Variants in PDE4A observed in about 807,000 individuals in gnomAD.
PDE4A encodes the protein phosphodiesterase 4A, also known as 3',5'-cyclic-AMP phosphodiesterase 4A.
In PDE4A, 21 loss-of-function variants were observed where a neutral mutation model predicts 73.9. That is an observed-to-expected ratio of 0.28 (90% CI 0.20 to 0.41). PDE4A has a LOEUF of 0.41. Among genes scored for constraint, PDE4A ranks in the 10% least tolerant of loss-of-function variants. The pLI, the probability that PDE4A is intolerant of heterozygous loss-of-function variation, is 1.00. For missense variants in PDE4A, 958 were observed against 1,211.4 expected (o/e 0.79, Z 3.10); for synonymous variants, 463 against 505.4 (o/e 0.92, Z 1.13).
Position 10,461,114 on chromosome 19 carries a change from C to T in PDE4A, c.1465+11C>T. On this transcript the variant is annotated intron_variant, in intron 11 of 14. Transcript: ENST00000380702. ...TCCTCATCAACACCAGTGAGTGGCCCTCGCCAGGGGCGGGGTTTGCTGAGT... is the reference window on the plus strand; with the variant it reads ...TCCTCATCAACACCAGTGAGTGGCCTTCGCCAGGGGCGGGGTTTGCTGAGT... The T allele has an allele frequency of 6.2e-7, 1 of 1,605,780 alleles. No individual in the cohort carries two copies. Among genetic ancestry groups the T allele is most frequent in the Non-Finnish European group, 8.5e-7 (1 of 1,173,488 alleles).
At chr19:10,431,910 C>G (rs1467335731) in intron 1 of PDE4A, among the ~76,000 whole-genome samples, 3 of 152,048 alleles carry the variant, frequency 2.0e-5, no homozygotes, top group African/African-American at 7.2e-5. Flanking sequence ...GTCTCCACTT[C>G]TGTCTCTTCT....
chr19:10,464,296 C>T (rs1458394237), intron 14 of PDE4A: 2 of 432,210 alleles, frequency 4.6e-6, no homozygotes, highest in Non-Finnish European at 9.0e-6. Flanking sequence ...TGGGGTTTCA[C>T]CGTGTTGGCC....
At position 10,446,256 on chromosome 19, in the gene PDE4A, G is replaced by A. The variant is rs199602831; in HGVS notation, c.359G>A (p.Arg120His). The A allele has an allele frequency of 1.3e-5, 20 of 1,595,086 alleles. No homozygotes were observed. In the African/African-American group the frequency reaches 1.7e-4, roughly 14 times the overall value. Reference protein sequence around the residue: ...AENGPTPSPGRSPLDSQASPG... With the variant: ...AENGPTPSPGHSPLDSQASPG... ...AATGGGCCGACACCATCTCCTGGCC[G>A]CAGCCCCCTGGACTCGCAGGCGAGC... Residue 120 changes from arginine to histidine, a missense_variant, in exon 2 of 15, where the codon CGC (arginine) becomes CAC (histidine). Arg to His is a conservative substitution (Grantham distance 29). Around this residue, in one of 3 missense-constraint regions of PDE4A, gnomAD observed 570 missense variants for 827.7 expected, o/e 0.69. Transcript: ENST00000380702.
chr19:10,433,014 G>C (rs984102667), intron 1 of PDE4A, among the ~76,000 whole-genome samples: 3 of 152,190 alleles, frequency 2.0e-5, no homozygotes, highest in African/African-American at 7.2e-5. Context: ...GCTGGGTTGG[G>C]GGTGGGGAGG....
Position 10,466,896 on chromosome 19 carries a change from A to G in PDE4A, c.1936A>G (p.Ile646Val). The part of the protein sequence containing the change: ...ASVEKSQVGF[I>V]DYIVHPLWET... ...TCTTCCCCTCCACCAGGTGGGTTTT[A>G]TTGACTACATTGTGCACCCATTGTG... Residue 646 changes from isoleucine to valine, a missense_variant, in exon 15 of 15, where the codon ATT (isoleucine) becomes GTT (valine). Ile to Val is a conservative substitution (Grantham distance 29). Around this residue, in one of 3 missense-constraint regions of PDE4A, gnomAD observed 570 missense variants for 827.7 expected, o/e 0.69. Coordinates refer to ENST00000380702, the MANE Select transcript of PDE4A (RefSeq NM_001111307.2). 1.9e-6 allele frequency: 3 copies of G among 1,612,620 alleles called. No homozygotes were observed. Among genetic ancestry groups the G allele is most frequent in the Non-Finnish European group, 2.5e-6 (3 of 1,179,056 alleles).
intron 1 of PDE4A, among the ~76,000 whole-genome samples, chr19:10,433,646 G>A (rs1261122214): frequency 6.6e-6 from 1 of 152,110 alleles, no homozygotes; most frequent in Non-Finnish European, 1.5e-5. Context: ...ATGCCCGGGG[G>A]CACACAGACC....
Position 10,467,100 on chromosome 19 carries a change from G to A in PDE4A, c.2140G>A (p.Glu714Lys), listed in dbSNP as rs1843874607. 1 of 1,614,046 alleles carries A rather than the reference G, an allele frequency of 6.2e-7. No individual in the cohort carries two copies. Residue 714 changes from glutamate (E) to lysine (K), a missense_variant, in exon 15 of 15, where the codon GAG (glutamate) becomes AAG (lysine). By Grantham distance (56) the Glu-to-Lys change is moderately conservative. Around this residue, in one of 3 missense-constraint regions of PDE4A, gnomAD observed 243 missense variants for 245.9 expected, o/e 0.99. Coordinates refer to ENST00000380702, the MANE Select transcript of PDE4A (RefSeq NM_001111307.2). ...PDKFQFELTL[E>K]EEEEEEISMA... ...CAAGTTCCAGTTTGAGCTGACGCTG[G>A]AGGAGGAAGAGGAGGAAGAAATATC...
chr19:10,434,740 C>G (rs564906259), intron 1 of PDE4A, among the ~76,000 whole-genome samples: 1 of 151,894 alleles, frequency 6.6e-6, no homozygotes, highest in East Asian at 1.9e-4. Flanking sequence ...ACAAGCGCCC[C>G]GCCACCACGC....
chr19:10,420,984 A>G lies in PDE4A; in HGVS notation c.220A>G (p.Ser74Gly). 2 of 1,540,882 alleles carry G rather than the reference A, an allele frequency of 1.3e-6. No individual in the cohort carries two copies. Among genetic ancestry groups the G allele is most frequent in the Non-Finnish European group, 1.7e-6 (2 of 1,152,572 alleles). ...AGAGCGCGCCGATGCCATGGACACCAGCGACCGGCCCGGCCTGCGCACGAC... is the reference window on the plus strand; with the variant it reads ...AGAGCGCGCCGATGCCATGGACACCGGCGACCGGCCCGGCCTGCGCACGAC... ...PIERADAMDT[S>G]DRPGLRTTRM... The change falls in exon 1 of 15, where the codon AGC becomes GGC. Residue 74 changes from serine (S) to glycine (G), a missense_variant. Transcript: ENST00000380702. This position sits in a 1 kb window ranked among gnomAD's most constrained non-coding sequence, Gnocchi z 6.0.
At chr19:10,454,708 T>C (rs1397101999) in intron 6 of PDE4A, 121 bp from the exon 7 acceptor site, 3 of 1,545,890 alleles carry the variant, frequency 1.9e-6, no homozygotes, top group Non-Finnish European at 2.6e-6. Context: ...GGGGCTCTGT[T>C]GGCTGAGCAG....
chr19:10,420,274 T>G (rs1399892984), upstream of PDE4A: 1 of 419,952 alleles, frequency 2.4e-6, no homozygotes, highest in African/African-American at 2.1e-5. This position sits in a 1 kb window ranked among gnomAD's most constrained non-coding sequence, Gnocchi z 6.0. Context: ...ACCGTTTAAC[T>G]CCTTCGTGCC....
At chr19:10,459,209 T>C (rs1343669074) in intron 8 of PDE4A, 191 bp from the exon 9 acceptor site, 1 of 924,222 alleles carries the variant, frequency 1.1e-6, no homozygotes, top group Non-Finnish European at 1.6e-6. Flanking sequence ...CAAAAGACAG[T>C]GGCTGTGATT....
intron 2 of PDE4A, 61 bp from the exon 3 acceptor site, chr19:10,448,856 C>T (rs2043049766): frequency 6.2e-7 from 1 of 1,608,778 alleles, no homozygotes. Context: ...CCTCACAGGG[C>T]ATCTACCCCA....
upstream of PDE4A, chr19:10,417,091 C>T (rs2042595555): frequency 6.8e-7 from 1 of 1,474,508 alleles, no homozygotes; most frequent in Non-Finnish European, 9.0e-7. Context: ...GGCTTCACTA[C>T]CTCCAAGCTG....
intron 6 of PDE4A, among the ~76,000 whole-genome samples, chr19:10,452,723 G>T (rs972303915): frequency 4.6e-5 from 7 of 152,030 alleles, no homozygotes; most frequent in Admixed American, 3.3e-4. Flanking sequence ...TGGAAGGTGT[G>T]TCTCAGGGTG....
upstream of PDE4A, chr19:10,417,093 TCCAAG>T (rs2042595580): frequency 6.8e-7 from 1 of 1,470,300 alleles, no homozygotes; most frequent in South Asian, 1.3e-5. Flanking sequence ...CTTCACTACC[TCCAAG>T]CTGTGAGGAG....
intron 6 of PDE4A, 116 bp from the exon 7 acceptor site, chr19:10,454,713 G>A (rs1317954510): frequency 1.3e-6 from 2 of 1,556,612 alleles, no homozygotes; most frequent in African/African-American, 1.4e-5. Context: ...TCTGTTGGCT[G>A]AGCAGAAAAA....
Position 10,457,905 on chromosome 19 carries a change from T to C in PDE4A, c.904T>C (p.Ser302Pro). ...LDKQNEVEIP[S>P]PTMKEREKQQ... The stretch of plus-strand genomic sequence containing the variant: ...CAAACAGAATGAAGTGGAGATCCCA[T>C]CACCCACGATGAAGGAACGAGAAAA... Residue 302 changes from serine (S) to proline (P), a missense_variant, in exon 8 of 15, where the codon TCA (serine) becomes CCA (proline). Around this residue, in one of 3 missense-constraint regions of PDE4A, gnomAD observed 570 missense variants for 827.7 expected, o/e 0.69. Coordinates refer to ENST00000380702, the MANE Select transcript of PDE4A (RefSeq NM_001111307.2). 6.2e-7 allele frequency: 1 copy of C among 1,612,232 alleles called. No homozygotes were observed. The highest frequency in any genetic ancestry group is 2.2e-5 in the East Asian group (1 of 44,874).
Position 10,467,337 on chromosome 19 carries a change from C to T in PDE4A, c.2377C>T (p.Pro793Ser). ...AQSTGSAPVAPDEFSSREEFV... is the reference protein window; with the variant it reads ...AQSTGSAPVASDEFSSREEFV... ...GTCCACAGGCAGTGCACCTGTGGCT[C>T]CGGATGAGTTCTCGTCCCGGGAGGA... Residue 793 changes from proline to serine, a missense_variant, in exon 15 of 15, where the codon CCG (proline) becomes TCG (serine). This residue lies in a region of PDE4A where 243 missense variants were observed against 245.9 expected (regional missense o/e 0.99). Transcript: ENST00000380702. 6.2e-7 allele frequency: 1 copy of T among 1,614,166 alleles called. No individual in the cohort carries two copies. The highest frequency in any genetic ancestry group is 1.1e-5 in the South Asian group (1 of 91,084).
Sources: gnomAD v4.1 joint callset for allele counts (sites outside exome capture counted in the v4.1 genomes callset) on GRCh38, gnomAD v4.1.1 for gene constraint, gnomAD v4.1.1 regional missense constraint, Gnocchi (gnomAD v3.1) non-coding constraint, MANE v1.5 for transcripts, NCBI Gene and HGNC (gene_info 2026-07-23, HGNC 2026-07-21) for gene names.